The following PCDHA9 variants were observed in gnomAD, a reference collection of about 807,000 sequenced individuals.
The protein encoded by PCDHA9 is protocadherin alpha 9.
A neutral mutation model predicts 62.0 loss-of-function variants in PCDHA9; 62 were observed. That is an observed-to-expected ratio of 1.00 (90% CI 0.81 to 1.23). The LOEUF (loss-of-function observed/expected upper bound fraction) is 1.23. PCDHA9 is among the 50% of genes most tolerant of loss of function. The pLI, the probability that PCDHA9 is intolerant of heterozygous loss-of-function variation, is 0.00. For synonymous variants in PCDHA9, 557 were observed against 567.6 expected, an observed-to-expected ratio of 0.98 and a Z score of 0.27; for missense variants, 1,205 against 1,249.8, an observed-to-expected ratio of 0.96 and a Z score of 0.54.
At chr5:140,988,483 C>T (rs2097299555) in intron 3 of PCDHA9, among the ~76,000 whole-genome samples, 2 of 152,030 alleles carry the variant, frequency 1.3e-5, no homozygotes, top group African/African-American at 4.8e-5. Context: ...AATTAGCATC[C>T]CCTACCTAGG....
intron 1 of PCDHA9, chr5:140,856,124 G>A (rs2043793970): frequency 6.3e-7 from 1 of 1,598,042 alleles, no homozygotes; most frequent in African/African-American, 1.3e-5. Context: ...CTGGGAGGTG[G>A]GGAGCGGCCA....
At chr5:140,927,981 T>C (rs2084836319) in intron 1 of PCDHA9, 2 of 1,614,206 alleles carry the variant, frequency 1.2e-6, no homozygotes, top group Non-Finnish European at 1.7e-6. Flanking sequence ...CTCTCTTTAG[T>C]GTAAAGGATG....
chr5:140,852,761 C>T (rs17119246), intron 1 of PCDHA9: 72,639 of 982,874 alleles, frequency 0.074, 8,920 homozygotes, highest in African/African-American at 0.25. Flanking sequence ...ACCCAGGTAT[C>T]TGATTATTTG....
At chr5:140,883,924 G>T (rs1554180605) in intron 1 of PCDHA9, 14 of 1,613,506 alleles carry the variant, frequency 8.7e-6, no homozygotes, top group Non-Finnish European at 1.1e-5. Context: ...TGACGCTGCA[G>T]GTGTTCGTGC....
chr5:140,989,722 A>C (rs1472933877), intron 3 of PCDHA9, among the ~76,000 whole-genome samples: 1 of 152,224 alleles, frequency 6.6e-6, no homozygotes, highest in African/African-American at 2.4e-5. Context: ...TCAGCTTTGC[A>C]GTTGAAAAGG....
chr5:141,001,017 A>G (rs1414857051), intron 3 of PCDHA9, among the ~76,000 whole-genome samples: 2 of 152,240 alleles, frequency 1.3e-5, no homozygotes, highest in Admixed American at 1.3e-4. Flanking sequence ...TTAGATATAC[A>G]CTTATAATAA....
chr5:140,988,551 ATCT>A (rs1472655983), intron 3 of PCDHA9, among the ~76,000 whole-genome samples: 4 of 152,158 alleles, frequency 2.6e-5, no homozygotes, highest in South Asian at 2.1e-4. Flanking sequence ...GACTTTCTTC[ATCT>A]TCTTCTTGGG....
At chr5:140,958,578 A>G (rs2095431763) in intron 1 of PCDHA9, among the ~76,000 whole-genome samples, 1 of 152,206 alleles carries the variant, frequency 6.6e-6, no homozygotes, top group Non-Finnish European at 1.5e-5. Context: ...TGAGATTTTA[A>G]ATGAGCTTAT....
chr5:140,960,249 T>C (rs2095534563), intron 1 of PCDHA9, among the ~76,000 whole-genome samples: 1 of 152,210 alleles, frequency 6.6e-6, no homozygotes, highest in African/African-American at 2.4e-5. Flanking sequence ...AGAAGCTTCC[T>C]GGAGCTTCTG....
At chr5:140,969,224 T>A (rs782172299) in intron 1 of PCDHA9, 1 of 1,614,100 alleles carries the variant, frequency 6.2e-7, no homozygotes, top group East Asian at 2.2e-5. Context: ...ACCAGGGCCT[T>A]CGGGAGCCCA....
intron 3 of PCDHA9, among the ~76,000 whole-genome samples, chr5:141,005,280 C>T (rs2098203817): frequency 6.6e-6 from 1 of 152,180 alleles, no homozygotes; most frequent in Non-Finnish European, 1.5e-5. Context: ...GGTGAATAAA[C>T]AGATACATTT....
rs533936031 is a variant in PCDHA9, at chr5:140,883,438, G to A, written c.2394+32549G>A. 14 of 1,614,132 alleles carry A rather than the reference G, an allele frequency of 8.7e-6. No individual in the cohort carries two copies. The South Asian group carries it at 1.3e-4, about 15-fold the overall frequency. ...ATGGACAGGTCACCTGCACCTTGAC[G>A]CCGCATGTCCCCTTCAAGCTGGTGT... On this transcript the variant is annotated intron_variant, in intron 1 of 3. Coordinates refer to ENST00000532602, the MANE Select transcript of PCDHA9 (RefSeq NM_031857.2).
intron 1 of PCDHA9, chr5:140,860,323 G>C (rs782283348): frequency 2.6e-5 from 4 of 152,078 alleles, no homozygotes; most frequent in Non-Finnish European, 5.9e-5. Flanking sequence ...TGAGGCTGCA[G>C]TGACCCATGA....
At chr5:140,877,921 T>C (rs2153357057) in intron 1 of PCDHA9, 1 of 1,422,868 alleles carries the variant, frequency 7.0e-7, no homozygotes, top group South Asian at 1.6e-5. Context: ...CTCATTTTTC[T>C]TTATGATTCT....
At chr5:140,929,207 G>A (rs782298445) in intron 1 of PCDHA9, 6 of 1,614,104 alleles carry the variant, frequency 3.7e-6, no homozygotes, top group East Asian at 2.2e-5. Flanking sequence ...TTGCTGTTGC[G>A]TGGGGAGTAC....
intron 1 of PCDHA9, among the ~76,000 whole-genome samples, chr5:140,890,513 C>T (rs1376774987): frequency 2.0e-5 from 3 of 151,948 alleles, no homozygotes; most frequent in Non-Finnish European, 4.4e-5. Flanking sequence ...GTCTCTATTT[C>T]CTTCCTTTGT....
intron 1 of PCDHA9, among the ~76,000 whole-genome samples, chr5:140,900,528 C>T (rs1261076566): frequency 2.6e-5 from 4 of 152,214 alleles, no homozygotes; most frequent in South Asian, 4.1e-4. Flanking sequence ...CTGCCCACCT[C>T]GGCTTTCCAA....
At chr5:140,901,942 T>C (rs1307043698) in intron 1 of PCDHA9, among the ~76,000 whole-genome samples, 4 of 152,128 alleles carry the variant, frequency 2.6e-5, no homozygotes, top group Non-Finnish European at 5.9e-5. Flanking sequence ...TAGGTATATT[T>C]AGTTTTATTC....
Position 140,884,639 on chromosome 5 carries a change from G to A in PCDHA9, c.2394+33750G>A, listed in dbSNP as rs781835096. ...TGCAGAGGGAACAGGCCAGAGGGAG[G>A]AGGACTCAGAATGCTTGAAAGAGGT... On this transcript the variant is annotated intron_variant, in intron 1 of 3. Coordinates refer to ENST00000532602, the MANE Select transcript of PCDHA9 (RefSeq NM_031857.2). 55 of 1,610,606 alleles carry A rather than the reference G, an allele frequency of 3.4e-5. No homozygotes were observed. The South Asian group carries it at 5.6e-4, about 16-fold the overall frequency.
Sources: gnomAD v4.1 joint callset for allele counts (sites outside exome capture counted in the v4.1 genomes callset) on GRCh38, gnomAD v4.1.1 for gene constraint, MANE v1.5 for transcripts, NCBI Gene and HGNC (gene_info 2026-07-23, HGNC 2026-07-21) for gene names.